Variants in NR2C2 observed in about 807,000 individuals in gnomAD.
NR2C2 encodes the protein Nuclear hormone receptor TR4.
Under a neutral mutation model 62.9 loss-of-function variants are expected in NR2C2, and 6 were observed. That is an observed-to-expected ratio of 0.10 (90% CI 0.05 to 0.19). NR2C2 has a LOEUF of 0.19. Among genes scored for constraint, NR2C2 ranks in the 10% least tolerant of loss-of-function variants. The pLI is 1.00. For synonymous variants in NR2C2, 272 were observed against 273.8 expected (o/e 0.99, Z 0.07); for missense variants, 479 against 762.7 (o/e 0.63, Z 4.38).
intron 13 of NR2C2, among the ~76,000 whole-genome samples, chr3:15,040,840 C>A (rs1371596840): frequency 6.6e-6 from 1 of 152,198 alleles, no homozygotes; most frequent in East Asian, 1.9e-4. Flanking sequence ...TACATCCAGC[C>A]AGGTATACAG....
At chr3:14,990,363 A>C (rs192527955) in intron 1 of NR2C2, among the ~76,000 whole-genome samples, 69 of 152,352 alleles carry the variant, frequency 4.5e-4, no homozygotes, top group African/African-American at 1.6e-3. Context: ...TGTAAAGCAG[A>C]GTACATCTTC....
In NR2C2 at chr3:15,044,726, CAT is replaced by C. The variant is rs1457837775; in HGVS notation, c.*1719_*1720del. On this transcript the variant is annotated 3_prime_UTR_variant, in exon 14 of 14. Coordinates refer to ENST00000425241, the MANE Select transcript of NR2C2 (RefSeq NM_001291694.2). The stretch of plus-strand genomic sequence containing the variant: ...TCTGATCTGGCTCAGGCTGGCGCCA[CAT>C]GTGCTCCACAGGGGTGCAGTCTGGC... 3.3e-5 allele frequency: 5 copies of C among 152,382 alleles called. No individual in the cohort carries two copies. The East Asian group carries it at 9.6e-4, about 29-fold the overall frequency. The allele number at this position is 152,382 out of a possible 1,614,324, so 9.4% of individuals were successfully genotyped here. A position where few individuals can be genotyped will look rare whatever the true frequency, so the allele number is the denominator to read the frequency against.
intron 1 of NR2C2, among the ~76,000 whole-genome samples, chr3:14,949,108 T>TA (rs2039256991): frequency 2.0e-5 from 3 of 152,182 alleles, no homozygotes; most frequent in Admixed American, 2.0e-4. Context: ...CATGTTGACT[T>TA]AGTTTTTTAG....
At chr3:14,950,204 C>G (rs1015159184) in intron 1 of NR2C2, among the ~76,000 whole-genome samples, 8 of 151,878 alleles carry the variant, frequency 5.3e-5, no homozygotes, top group African/African-American at 1.5e-4. Flanking sequence ...ACAATAGATT[C>G]GAACACCGAG....
At chr3:15,005,680 A>C (rs1042795583) in intron 2 of NR2C2, among the ~76,000 whole-genome samples, 2 of 151,880 alleles carry the variant, frequency 1.3e-5, no homozygotes, top group Admixed American at 1.3e-4. Flanking sequence ...ACAAATGTGC[A>C]CCACTGTCAG....
intron 13 of NR2C2, among the ~76,000 whole-genome samples, chr3:15,041,599 A>G (rs911436181): frequency 6.6e-6 from 1 of 152,222 alleles, no homozygotes; most frequent in Non-Finnish European, 1.5e-5. Flanking sequence ...CACACCTGTA[A>G]TTCCAACACT....
chr3:15,001,747 C>T (rs1435311411), intron 1 of NR2C2, among the ~76,000 whole-genome samples: 3 of 152,012 alleles, frequency 2.0e-5, no homozygotes, highest in Non-Finnish European at 4.4e-5. Context: ...CTACTGAGTA[C>T]CCGGGACTTA....
In NR2C2 at chr3:15,028,567, A is replaced by C; in HGVS notation, c.799-19A>C. On this transcript the variant is annotated intron_variant, in intron 7 of 13. Transcript: ENST00000425241. ...CGTATCTGTGTTCATTTTTAATGTC[A>C]GTATTTTTTGTTTAATAGGCTGAAA... 6.2e-7 allele frequency: 1 copy of C among 1,604,316 alleles called. No homozygotes were observed. The highest frequency in any genetic ancestry group is 1.1e-5 in the South Asian group (1 of 90,596).
At chr3:15,001,605 G>A (rs1345683428) in intron 1 of NR2C2, among the ~76,000 whole-genome samples, 2 of 152,080 alleles carry the variant, frequency 1.3e-5, no homozygotes, top group African/African-American at 4.8e-5. Flanking sequence ...AAAGTGCTGG[G>A]ATTACAGGTG....
chr3:14,976,269 G>A (rs934001667), intron 1 of NR2C2, among the ~76,000 whole-genome samples: 6 of 152,032 alleles, frequency 3.9e-5, no homozygotes, highest in Non-Finnish European at 8.8e-5. Flanking sequence ...TTTAGTGTTC[G>A]TTCAGTGCCA....
intron 1 of NR2C2, among the ~76,000 whole-genome samples, chr3:14,958,060 T>G (rs1025323065): frequency 2.0e-5 from 3 of 152,226 alleles, no homozygotes; most frequent in African/African-American, 4.8e-5. Flanking sequence ...AGACCTAGTT[T>G]AAATAATTCC....
intron 1 of NR2C2, among the ~76,000 whole-genome samples, chr3:14,995,934 AT>A (rs2124877909): frequency 6.6e-6 from 1 of 152,052 alleles, no homozygotes; most frequent in South Asian, 2.1e-4. Flanking sequence ...GATATTGAAT[AT>A]TTTTTCAAGT....
intron 1 of NR2C2, among the ~76,000 whole-genome samples, chr3:14,999,276 A>G (rs111872850): frequency 6.6e-6 from 1 of 150,934 alleles, no homozygotes; most frequent in South Asian, 2.1e-4. Context: ...AGATCGCACC[A>G]TTGCACTCCA....
rs2042330692 is a variant in NR2C2, at chr3:15,043,154, C to G, written c.*146C>G. On this transcript the variant is annotated 3_prime_UTR_variant, in exon 14 of 14. Transcript: ENST00000425241. ...TTTCTCCTTATCTGTTAATCCCAGA[C>G]AATAGCAATTAAAAGACTAGTAGGA... 1 of 620,404 alleles carries G rather than the reference C, an allele frequency of 1.6e-6. No homozygotes were observed. Among genetic ancestry groups the G allele is most frequent in the Non-Finnish European group, 2.5e-6 (1 of 405,444 alleles). 38.4% of individuals were successfully genotyped at this position (620,404 alleles called of 1,614,324 possible).
At chr3:15,022,053 A>G (rs991378578) in intron 5 of NR2C2, among the ~76,000 whole-genome samples, 1 of 152,248 alleles carries the variant, frequency 6.6e-6, no homozygotes, top group Non-Finnish European at 1.5e-5. Flanking sequence ...AATGACTGAA[A>G]TCAGTTTTCT....
chr3:15,015,895 G>A lies in NR2C2; in HGVS notation c.274-257G>A, dbSNP rs980065967. On this transcript the variant is annotated intron_variant, in intron 3 of 13. Transcript: ENST00000425241. The stretch of plus-strand genomic sequence containing the variant: ...CGGCTCACTACAACCTCTGCCTCCC[G>A]GGTTGAAGCAATTCTCCTGCCTCAG... 7.9e-5 allele frequency among the ~76,000 whole-genome samples: 12 copies of A among 152,046 alleles called. No individual in the cohort carries two copies. The highest frequency in any genetic ancestry group is 2.9e-4 in the African/African-American group (12 of 41,374).
intron 1 of NR2C2, among the ~76,000 whole-genome samples, chr3:14,995,338 C>A (rs1331367844): frequency 2.5e-4 from 35 of 139,412 alleles, no homozygotes; most frequent in Middle Eastern, 3.8e-3. Context: ...AAAAAAAAAA[C>A]CCCACACTCC....
chr3:14,948,905 T>C (rs1436964466), intron 1 of NR2C2, among the ~76,000 whole-genome samples: 2 of 152,138 alleles, frequency 1.3e-5, no homozygotes, highest in Non-Finnish European at 2.9e-5. Flanking sequence ...CGGACCTCCC[T>C]TCTGAGCATT....
Position 15,032,370 on chromosome 3 carries a change from CT to C in NR2C2, c.1111-5del. 1 of 1,614,232 alleles carries C rather than the reference CT, an allele frequency of 6.2e-7. No individual in the cohort carries two copies. Among genetic ancestry groups the C allele is most frequent in the African/African-American group, 1.3e-5 (1 of 75,054 alleles). Reference sequence around the variant, plus strand: ...TCACCTCCTGTGCCATGTGCCTCCTCTTTTCCAGCTAACAATGCCCAGTCCA... The same window carrying C: ...TCACCTCCTGTGCCATGTGCCTCCTCTTTCCAGCTAACAATGCCCAGTCCA... On this transcript the variant is annotated splice_polypyrimidine_tract_variant and splice_region_variant and intron_variant, in intron 9 of 13. Coordinates refer to ENST00000425241, the MANE Select transcript of NR2C2 (RefSeq NM_001291694.2).
Sources: gnomAD v4.1 joint callset for allele counts (sites outside exome capture counted in the v4.1 genomes callset) on GRCh38, gnomAD v4.1.1 for gene constraint, MANE v1.5 for transcripts, NCBI Gene and HGNC (gene_info 2026-07-23, HGNC 2026-07-21) for gene names.